TRMT11: variants seen among roughly 807,000 people sequenced by gnomAD.
The protein encoded by TRMT11 is tRNA methyltransferase 11, also known as tRNA (guanine(10)-N(2))-methyltransferase TRMT11.
In TRMT11, 53 loss-of-function variants were observed where a neutral mutation model predicts 62.8. That is an observed-to-expected ratio of 0.84 (90% CI 0.68 to 1.06). TRMT11 has a LOEUF of 1.06. Ranked by LOEUF, TRMT11 falls within the 50% of genes least tolerant of loss-of-function variation. TRMT11 has a pLI of 0.00. For synonymous variants in TRMT11, 188 were observed against 190.3 expected (o/e 0.99, Z 0.10); for missense variants, 556 against 553.4 (o/e 1.00, Z -0.05).
the TRMT11 span, among the ~76,000 whole-genome samples, chr6:126,238,669 G>A: frequency 6.6e-6 from 1 of 152,200 alleles, no homozygotes; most frequent in African/African-American, 2.4e-5. Context: ...GTGTGGTGCT[G>A]AGAAGAATGT....
intron 1 of TRMT11, among the ~76,000 whole-genome samples, chr6:126,178,216 C>T (rs955859866): frequency 5.9e-5 from 9 of 152,166 alleles, no homozygotes; most frequent in African/African-American, 1.7e-4. Flanking sequence ...GATCACCCTT[C>T]AAGGAAAGAG....
chr6:126,269,052 G>A, the TRMT11 span, among the ~76,000 whole-genome samples: 3 of 151,622 alleles, frequency 2.0e-5, no homozygotes, highest in South Asian at 2.1e-4. Context: ...ACGAGGTCAG[G>A]AGATCGAGAC....
At chr6:126,151,780 T>TTTAG (rs1562334640) in intron 21 of TRMT11, among the ~76,000 whole-genome samples, 62 of 123,916 alleles carry the variant, frequency 5.0e-4, no homozygotes, top group African/African-American at 2.0e-3. Flanking sequence ...CCTTTCACCC[T>TTTAG]TTTCCTTCCT....
chr6:126,099,958 C>A (rs1454979190), intron 17 of TRMT11, among the ~76,000 whole-genome samples: 1 of 152,034 alleles, frequency 6.6e-6, no homozygotes, highest in Non-Finnish European at 1.5e-5. Context: ...TTCAGAGGGG[C>A]CTGGCTGAGC....
chr6:126,092,887 A>G (rs1322012858), intron 17 of TRMT11, among the ~76,000 whole-genome samples: 5 of 152,208 alleles, frequency 3.3e-5, no homozygotes, highest in Admixed American at 3.3e-4. Flanking sequence ...TGACTCAGAA[A>G]GTGAGTTCTG....
the TRMT11 span, among the ~76,000 whole-genome samples, chr6:126,245,979 T>C: frequency 6.6e-6 from 1 of 152,164 alleles, no homozygotes; most frequent in African/African-American, 2.4e-5. Flanking sequence ...AAATCAGTTA[T>C]GTAAAAATTA....
intron 21 of TRMT11, among the ~76,000 whole-genome samples, chr6:126,166,443 G>T (rs897157364): frequency 1.3e-5 from 2 of 152,220 alleles, no homozygotes; most frequent in Non-Finnish European, 2.9e-5. Flanking sequence ...GACCCTGTTT[G>T]TCTGGGTATC....
intron 21 of TRMT11, among the ~76,000 whole-genome samples, chr6:126,154,638 C>A (rs1003089976): frequency 6.6e-6 from 1 of 152,186 alleles, no homozygotes; most frequent in East Asian, 1.9e-4. Flanking sequence ...CATTTCAAAG[C>A]CCGGCCACTT....
At chr6:126,024,881 T>C (rs1054817123) in intron 12 of TRMT11, among the ~76,000 whole-genome samples, 12 of 152,326 alleles carry the variant, frequency 7.9e-5, no homozygotes, top group Non-Finnish European at 1.6e-4. Context: ...TTAGAAATCA[T>C]AGCATTTAAT....
At chr6:126,225,685 ATTTTTTTTTTTTTTT>A in the TRMT11 span, among the ~76,000 whole-genome samples, 1 of 95,280 alleles carries the variant, frequency 1.0e-5, no homozygotes, top group Non-Finnish European at 2.0e-5. Context: ...TATGTTTACT[ATTTTTTTTTTTTTTT>A]TTTTTTTTTT....
chr6:125,997,827 T>C lies in TRMT11; in HGVS notation c.213-226T>C, dbSNP rs543502910. On this transcript the variant is annotated intron_variant, in intron 3 of 12. Coordinates refer to ENST00000334379, the MANE Select transcript of TRMT11 (RefSeq NM_001031712.3). Reference sequence around the variant, plus strand: ...CCTGGCCAGCTAATTGTTAATAACATTTTTATTTGGTCATTAGTCTTTTTG... The same window carrying C: ...CCTGGCCAGCTAATTGTTAATAACACTTTTATTTGGTCATTAGTCTTTTTG... Among the ~76,000 whole-genome samples the C allele has an allele frequency of 3.6e-4, 55 of 152,300 alleles. 2 individuals are homozygous for C. The highest frequency in any genetic ancestry group is 3.1e-3 in the South Asian group (15 of 4,832).
chr6:126,152,508 A>G (rs888688205), intron 21 of TRMT11, among the ~76,000 whole-genome samples: 5 of 152,168 alleles, frequency 3.3e-5, no homozygotes, highest in Non-Finnish European at 7.3e-5. Context: ...ACAAGAAGAA[A>G]TTGCAGATGA....
chr6:126,050,329 CAAAAAAAA>C (rs536546298), intron 16 of TRMT11, among the ~76,000 whole-genome samples: 1 of 68,438 alleles, frequency 1.5e-5, no homozygotes, highest in African/African-American at 4.0e-5. Flanking sequence ...GACTTCATCT[CAAAAAAAA>C]AAAAAAAAAA....
chr6:126,170,178 C>G (rs1205450867), intron 21 of TRMT11, among the ~76,000 whole-genome samples: 2 of 152,080 alleles, frequency 1.3e-5, no homozygotes, highest in African/African-American at 4.8e-5. Flanking sequence ...CTCTCTGTGC[C>G]CTTTTTCATG....
intron 17 of TRMT11, among the ~76,000 whole-genome samples, chr6:126,073,045 C>A (rs986036068): frequency 1.3e-5 from 2 of 152,154 alleles, no homozygotes; most frequent in African/African-American, 4.8e-5. Context: ...ATGATGCAAT[C>A]TTTGGGATTC....
intron 21 of TRMT11, among the ~76,000 whole-genome samples, chr6:126,124,654 G>A (rs547397597): frequency 6.6e-6 from 1 of 152,128 alleles, no homozygotes; most frequent in South Asian, 2.1e-4. Flanking sequence ...TTTGAACATG[G>A]CTGCCAGATG....
rs759864853 is a variant in TRMT11 at position 125,998,574 on chromosome 6, G to T, written c.412G>T (p.Gly138Ter). ...IDALEFLPFE[G>*]KVNLKKPQHV... ...GGCACTTGAATTTCTGCCATTTGAA[G>T]GAAAAGTGAATTTAAAGAAACCGCA... Residue 138 changes from glycine (G) to a stop codon, truncating the protein, a stop_gained, in exon 6 of 13, where the codon GGA becomes TGA. Coordinates refer to ENST00000334379, the MANE Select transcript of TRMT11 (RefSeq NM_001031712.3). LOFTEE classifies it high-confidence loss of function. 6.2e-7 allele frequency: 1 copy of T among 1,612,860 alleles called. No homozygotes were observed. Among genetic ancestry groups the T allele is most frequent in the East Asian group, 2.2e-5 (1 of 44,776 alleles).
At chr6:126,030,942 T>C (rs566747016) in intron 12 of TRMT11, among the ~76,000 whole-genome samples, 1 of 152,294 alleles carries the variant, frequency 6.6e-6, no homozygotes, top group African/African-American at 2.4e-5. Context: ...CTCTTGGCAA[T>C]GAAGGGACAC....
chr6:126,215,422 C>T, the TRMT11 span, among the ~76,000 whole-genome samples: 32 of 150,072 alleles, frequency 2.1e-4, 1 homozygote, highest in African/African-American at 6.8e-4. Flanking sequence ...GAATTGACCC[C>T]ATTATCATTA....
Sources: gnomAD v4.1 joint callset for allele counts (sites outside exome capture counted in the v4.1 genomes callset) on GRCh38, gnomAD v4.1.1 for gene constraint, MANE v1.5 for transcripts, NCBI Gene and HGNC (gene_info 2026-07-23, HGNC 2026-07-21) for gene names.